USP34: variants seen among roughly 807,000 people sequenced by gnomAD.
USP34 encodes the protein ubiquitin specific peptidase 34.
USP34 carries 70 observed loss-of-function variants against 460.3 expected under a neutral mutation model. The observed-to-expected ratio is 0.15, with a 90% CI of 0.13 to 0.19. The LOEUF (loss-of-function observed/expected upper bound fraction) is 0.19. Among genes scored for constraint, USP34 ranks in the 10% least tolerant of loss-of-function variants. USP34 has a pLI of 1.00. For missense variants in USP34, 3,985 were observed against 4,236.2 expected (o/e 0.94, Z 1.65); for synonymous variants, 1,647 against 1,405.3 (o/e 1.17, Z -3.85).
Position 61,325,360 on chromosome 2 carries a change from GATTAAA to G in USP34, c.3013+9_3013+14del, listed in dbSNP as rs1691054983. ...TCAAAACAGATTTTTAAAAAGTACT[GATTAAA>G]AAACTTACTGAAATGATCAGGTGAT... is the stretch of plus-strand genomic sequence containing the variant. On this transcript the variant is annotated intron_variant, in intron 21 of 79. Coordinates refer to ENST00000398571, the MANE Select transcript of USP34 (RefSeq NM_014709.4). The G allele has an allele frequency of 1.3e-6, 2 of 1,507,920 alleles. No individual in the cohort carries two copies. The highest frequency in any genetic ancestry group is 4.9e-5 in the East Asian group (2 of 40,706). The allele number at this position is 1,507,920 out of a possible 1,614,324, so 93.4% of individuals were successfully genotyped here. A position where few individuals can be genotyped will look rare whatever the true frequency, so the allele number is the denominator to read the frequency against.
intron 10 of USP34, among the ~76,000 whole-genome samples, chr2:61,358,695 C>T (rs560243213): frequency 4.0e-4 from 61 of 152,222 alleles, no homozygotes; most frequent in African/African-American, 1.5e-3. Context: ...TTGCAAATGA[C>T]ATAATCATAT....
rs751862740 is a variant in USP34 at position 61,370,433 on chromosome 2, T to A, written c.1159-20A>T. The stretch of plus-strand genomic sequence containing the variant: ...GATAATCTGGAAAAGAAAAACTTAA[T>A]ATCAATTTTTAAAAATATTCTTCTC... On this transcript the variant is annotated intron_variant, in intron 9 of 79. Coordinates refer to ENST00000398571, the MANE Select transcript of USP34 (RefSeq NM_014709.4). 1.2e-6 allele frequency: 2 copies of A among 1,613,200 alleles called. No individual in the cohort carries two copies. Among genetic ancestry groups the A allele is most frequent in the Admixed American group, 3.3e-5 (2 of 59,876 alleles).
At chr2:61,252,847 T>C (rs146336543) in intron 48 of USP34, among the ~76,000 whole-genome samples, 56 of 152,216 alleles carry the variant, frequency 3.7e-4, no homozygotes, top group African/African-American at 9.9e-4. Context: ...TCCAGAAAGA[T>C]TGGAGAACAG....
intron 3 of USP34, among the ~76,000 whole-genome samples, chr2:61,395,524 C>T (rs961300772): frequency 9.5e-5 from 14 of 147,714 alleles, no homozygotes; most frequent in African/African-American, 2.1e-4. Context: ...CCCGGCCGGA[C>T]GCGGTGGCTC....
At chr2:61,336,546 A>C (rs1393489959) in intron 18 of USP34, among the ~76,000 whole-genome samples, 5 of 151,678 alleles carry the variant, frequency 3.3e-5, no homozygotes, top group Non-Finnish European at 5.9e-5. Context: ...GCAGTGGCTC[A>C]CGCCTATAAT....
chr2:61,297,005 A>G (rs1690050152), intron 29 of USP34, 80 bp from the exon 30 acceptor site: 1 of 1,472,850 alleles, frequency 6.8e-7, no homozygotes, highest in African/African-American at 1.4e-5. Flanking sequence ...GCATAAAGTA[A>G]TGATCAAATT....
intron 51 of USP34, among the ~76,000 whole-genome samples, chr2:61,242,198 A>G (rs1688282786): frequency 6.6e-6 from 1 of 152,182 alleles, no homozygotes; most frequent in African/African-American, 2.4e-5. Context: ...CTTTCTCAGC[A>G]ACATTATAAA....
At chr2:61,205,347 G>T (rs1687087749) in intron 72 of USP34, among the ~76,000 whole-genome samples, 2 of 152,258 alleles carry the variant, frequency 1.3e-5, no homozygotes, top group Admixed American at 6.5e-5. Flanking sequence ...CAGGCTATAG[G>T]CAGTTTCTGG....
intron 67 of USP34, among the ~76,000 whole-genome samples, chr2:61,217,093 T>A (rs985511025): frequency 6.6e-6 from 1 of 152,100 alleles, no homozygotes; most frequent in Non-Finnish European, 1.5e-5. Flanking sequence ...CCTAACCACC[T>A]CTTCTTTTCC....
In USP34 at chr2:61,268,436, G is replaced by GT. The variant is rs1198012169; in HGVS notation, c.5434-2270dup. ...TCTTTGAGTTCATGCAAGAGCTGTT[G>GT]TTAAAAAAAAAAAAAAAAAAAAAAA... is the stretch of plus-strand genomic sequence containing the variant. On this transcript the variant is annotated intron_variant, in intron 41 of 79. Coordinates refer to ENST00000398571, the MANE Select transcript of USP34 (RefSeq NM_014709.4). Among the ~76,000 whole-genome samples, 140 of 43,406 alleles carry GT rather than the reference G, an allele frequency of 3.2e-3. 3 individuals carry two copies. Among genetic ancestry groups the GT allele is most frequent in the African/African-American group, 0.016 (128 of 8,086 alleles). The allele number at this position is 43,406 out of a possible 152,430, so 28.5% of individuals were successfully genotyped here.
chr2:61,337,398 A>C (rs961538915), intron 18 of USP34, among the ~76,000 whole-genome samples: 5 of 109,432 alleles, frequency 4.6e-5, no homozygotes, highest in South Asian at 9.1e-4. Flanking sequence ...TATCCTTTCT[A>C]CTTTTTTTTT....
intron 3 of USP34, among the ~76,000 whole-genome samples, chr2:61,397,230 G>A (rs1310812836): frequency 6.6e-6 from 1 of 151,720 alleles, no homozygotes; most frequent in Non-Finnish European, 1.5e-5. Context: ...ATCATTTGAG[G>A]TCAAGAGTTC....
chr2:61,259,279 TA>T (rs775340165), intron 44 of USP34, among the ~76,000 whole-genome samples: 1 of 151,616 alleles, frequency 6.6e-6, no homozygotes. Flanking sequence ...AATAAATAAA[TA>T]AAAAAGTAAG....
intron 1 of USP34, among the ~76,000 whole-genome samples, chr2:61,450,936 T>G (rs1271953571): frequency 2.0e-5 from 3 of 149,162 alleles, no homozygotes; most frequent in African/African-American, 7.4e-5. Flanking sequence ...AATGAGTAAC[T>G]TGGCCAGGCA....
intron 25 of USP34, among the ~76,000 whole-genome samples, chr2:61,312,299 A>G (rs556764368): frequency 1.3e-5 from 2 of 152,216 alleles, no homozygotes; most frequent in South Asian, 4.1e-4. Context: ...AAAGATATTA[A>G]GAAAAAATTT....
chr2:61,226,285 G>A (rs897549830), intron 62 of USP34, among the ~76,000 whole-genome samples: 9 of 152,210 alleles, frequency 5.9e-5, no homozygotes, highest in African/African-American at 2.2e-4. Context: ...AGGCATGTCA[G>A]GCAACTCAAG....
chr2:61,396,554 T>C (rs1693534672), intron 3 of USP34, among the ~76,000 whole-genome samples: 1 of 151,658 alleles, frequency 6.6e-6, no homozygotes, highest in Non-Finnish European at 1.5e-5. Flanking sequence ...AGGAGCATGA[T>C]CTCGGATCAC....
intron 75 of USP34, among the ~76,000 whole-genome samples, chr2:61,197,235 T>C (rs184850927): frequency 1.2e-3 from 187 of 152,306 alleles, no homozygotes; most frequent in Non-Finnish European, 2.4e-3. Context: ...TGTGCCACTG[T>C]ACTCCAGCCT....
chr2:61,399,934 T>C (rs1693662074), intron 3 of USP34, among the ~76,000 whole-genome samples: 1 of 149,194 alleles, frequency 6.7e-6, no homozygotes, highest in African/African-American at 2.5e-5. Context: ...TTTTAGGTAA[T>C]CGCTGAGAAA....
Sources: gnomAD v4.1 joint callset for allele counts (sites outside exome capture counted in the v4.1 genomes callset) on GRCh38, gnomAD v4.1.1 for gene constraint, MANE v1.5 for transcripts, NCBI Gene and HGNC (gene_info 2026-07-23, HGNC 2026-07-21) for gene names.